Variants in SORT1 observed in about 807,000 individuals in gnomAD.
SORT1 encodes sortilin 1.
In SORT1, 39 loss-of-function variants were observed where a neutral mutation model predicts 101.7. The observed-to-expected ratio is 0.38, with a 90% CI of 0.30 to 0.50. SORT1 has a LOEUF of 0.50. Among genes scored for constraint, SORT1 ranks in the 20% least tolerant of loss-of-function variants. The probability of loss-of-function intolerance (pLI) is 0.90; values close to 1 mark genes in which losing one functional copy is unlikely to be tolerated. For missense variants in SORT1, 878 were observed against 1,040.4 expected, an observed-to-expected ratio of 0.84 and a Z score of 2.15; for synonymous variants, 396 against 393.7, an observed-to-expected ratio of 1.01 and a Z score of -0.07.
chr1:109,337,286 GCCCAGGCTGGAGTGCAATGGCACAAT>G (rs1299679078), intron 10 of SORT1, among the ~76,000 whole-genome samples: 2 of 151,608 alleles, frequency 1.3e-5, no homozygotes, highest in African/African-American at 4.9e-5. Flanking sequence ...CGCTCTTGTT[GCCCAGGCTGGAGTGCAATGGCACAAT>G]CTCAGCTCAC....
intron 6 of SORT1, 80 bp downstream of exon 6, chr1:109,350,849 A>C (rs558022603): frequency 4.3e-6 from 4 of 941,142 alleles, no homozygotes; most frequent in African/African-American, 3.2e-5. Flanking sequence ...GTAAGTGCTC[A>C]ATATTTATTC....
At chr1:109,322,768 G>A (rs1404271457) in intron 15 of SORT1, among the ~76,000 whole-genome samples, 164 bp downstream of exon 15, 2 of 152,052 alleles carry the variant, frequency 1.3e-5, no homozygotes, top group African/African-American at 2.4e-5. Flanking sequence ...TCGAACTCCC[G>A]GCCTCAAGTG....
Position 109,318,239 on chromosome 1 carries a change from C to T in SORT1, c.2025-270G>A, listed in dbSNP as rs953972944. On this transcript the variant is annotated intron_variant, in intron 15 of 19. Transcript: ENST00000256637. ...CGTGTTCTTGGCTCACTGCAACCTCCGCCTCCGGCTTCAAGCGACTCTCCT... is the reference window on the plus strand; with the variant it reads ...CGTGTTCTTGGCTCACTGCAACCTCTGCCTCCGGCTTCAAGCGACTCTCCT... 2.0e-5 allele frequency among the ~76,000 whole-genome samples: 3 copies of T among 151,748 alleles called. No homozygotes were observed. In the East Asian group the frequency reaches 5.8e-4, roughly 29 times the overall value.
chr1:109,397,521 G>C lies in SORT1; in HGVS notation c.306+66C>G. The stretch of plus-strand genomic sequence containing the variant: ...CTCCTCCGGGAGTCGCGGGGCGCAC[G>C]GGCCGGGAGGGGCACGCGGGCGGCA... On this transcript the variant is annotated intron_variant, in intron 1 of 19. Coordinates refer to ENST00000256637, the MANE Select transcript of SORT1 (RefSeq NM_002959.7). The C allele has an allele frequency of 3.9e-6, 4 of 1,016,616 alleles. No individual in the cohort carries two copies. In the South Asian group the frequency reaches 1.6e-4, roughly 41 times the overall value. 63.0% of individuals were successfully genotyped at this position (1,016,616 alleles called of 1,614,324 possible). A position where few individuals can be genotyped will look rare whatever the true frequency, so the allele number is the denominator to read the frequency against.
rs555560999 is a variant in SORT1 at position 109,343,075 on chromosome 1, A to C, written c.964-917T>G. On this transcript the variant is annotated intron_variant, in intron 8 of 19. Transcript: ENST00000256637. Reference sequence around the variant, plus strand: ...CATTATACCATATATGCAGTATAGCATAGGAAGCTACCTCTGGAATTTGAG... The same window carrying C: ...CATTATACCATATATGCAGTATAGCCTAGGAAGCTACCTCTGGAATTTGAG... Among the ~76,000 whole-genome samples the C allele has an allele frequency of 3.3e-5, 5 of 152,322 alleles. No individual in the cohort carries two copies. In the South Asian group the frequency reaches 8.3e-4, roughly 25 times the overall value.
rs554626922 is a variant in SORT1 at position 109,396,976 on chromosome 1, TTTC to T, written c.306+608_306+610del. 2.5e-3 allele frequency among the ~76,000 whole-genome samples: 388 copies of T among 152,326 alleles called. 1 individual carries two copies. The highest frequency in any genetic ancestry group is 9.0e-3 in the African/African-American group (375 of 41,566). ...CTCAAAGCAGAATATGTGCAATGCG[TTTC>T]TTAACTATTGAAAATCTTGTCACCA... On this transcript the variant is annotated intron_variant, in intron 1 of 19. Coordinates refer to ENST00000256637, the MANE Select transcript of SORT1 (RefSeq NM_002959.7).
intron 8 of SORT1, 113 bp from the exon 9 acceptor site, chr1:109,342,271 G>A (rs777114671): frequency 1.3e-5 from 10 of 793,702 alleles, no homozygotes; most frequent in South Asian, 1.8e-5. Context: ...TACTGGGTAC[G>A]ATTGCTATGA....
intron 9 of SORT1, 52 bp from the exon 10 acceptor site, chr1:109,340,931 A>G (rs1261389896): frequency 1.5e-5 from 21 of 1,446,152 alleles, no homozygotes; most frequent in Non-Finnish European, 2.0e-5. Context: ...AACCAAAGAG[A>G]AAAACAATAG....
intron 3 of SORT1, among the ~76,000 whole-genome samples, 187 bp from the exon 4 acceptor site, chr1:109,355,656 C>CCCCCCG (rs1321675043): frequency 7.7e-6 from 1 of 129,308 alleles, no homozygotes; most frequent in African/African-American, 3.1e-5. Context: ...CCCCCCCCCC[C>CCCCCCG]ACAAACCCAC....
intron 11 of SORT1, among the ~76,000 whole-genome samples, chr1:109,332,523 T>C (rs1398103401): frequency 2.6e-5 from 4 of 152,232 alleles, no homozygotes; most frequent in Non-Finnish European, 5.9e-5. Flanking sequence ...TGACCTATGA[T>C]TATTCCACTG....
At chr1:109,395,388 C>T (rs1653135180) in intron 1 of SORT1, among the ~76,000 whole-genome samples, 1 of 151,432 alleles carries the variant, frequency 6.6e-6, no homozygotes, top group Non-Finnish European at 1.5e-5. Context: ...GTCTGGCTAA[C>T]TTTTGTATTT....
At chr1:109,366,521 T>G (rs948319056) in intron 3 of SORT1, among the ~76,000 whole-genome samples, 6 of 152,200 alleles carry the variant, frequency 3.9e-5, no homozygotes, top group African/African-American at 1.4e-4. Context: ...CTATACACTC[T>G]TTCTTCATCT....
chr1:109,350,045 C>CT (rs971878373), intron 6 of SORT1, among the ~76,000 whole-genome samples: 2 of 152,156 alleles, frequency 1.3e-5, no homozygotes, highest in African/African-American at 4.8e-5. Context: ...TTTGTCTGCT[C>CT]TTTTAGAGTA....
chr1:109,343,849 C>T (rs1247793489), intron 8 of SORT1, among the ~76,000 whole-genome samples: 1 of 152,120 alleles, frequency 6.6e-6, no homozygotes. Flanking sequence ...CAGGGTTTCG[C>T]CATGTTGGCC....
intron 3 of SORT1, among the ~76,000 whole-genome samples, chr1:109,362,836 T>C (rs1053817611): frequency 1.3e-5 from 2 of 151,788 alleles, no homozygotes; most frequent in Non-Finnish European, 2.9e-5. Context: ...ATGTTGTAAA[T>C]GGAATTTATC....
chr1:109,377,350 CTAACAT>C (rs1336576268), intron 1 of SORT1, among the ~76,000 whole-genome samples: 1 of 152,174 alleles, frequency 6.6e-6, no homozygotes, highest in East Asian at 1.9e-4. Flanking sequence ...ACTCCTGCTA[CTAACAT>C]TATTTCTTTT....
At position 109,397,578 on chromosome 1, in the gene SORT1, C is replaced by A; in HGVS notation, c.306+9G>T. On this transcript the variant is annotated intron_variant, in intron 1 of 19. Transcript: ENST00000256637. ...ACCCGAGCGGCTCCCGGGCCCGGCG[C>A]CCGCTCACCTGGTGCGTGTTGTTGG... is the stretch of plus-strand genomic sequence containing the variant. The A allele has an allele frequency of 1.7e-6, 2 of 1,204,542 alleles. No homozygotes were observed. The highest frequency in any genetic ancestry group is 2.1e-6 in the Non-Finnish European group (2 of 962,174). The allele number at this position is 1,204,542 out of a possible 1,614,324, so 74.6% of individuals were successfully genotyped here.
chr1:109,355,702 C>T (rs955243315), intron 3 of SORT1, among the ~76,000 whole-genome samples: 1 of 127,306 alleles, frequency 7.9e-6, no homozygotes, highest in Non-Finnish European at 1.6e-5. Context: ...CGGGGAGTGA[C>T]TCAGGATGAG....
At chr1:109,335,842 C>T (rs1317575032) in intron 11 of SORT1, among the ~76,000 whole-genome samples, 1 of 152,180 alleles carries the variant, frequency 6.6e-6, no homozygotes, top group Admixed American at 6.5e-5. Context: ...AGGCCAGATC[C>T]TCTTCCTCTT....
Sources: gnomAD v4.1 joint callset for allele counts (sites outside exome capture counted in the v4.1 genomes callset) on GRCh38, gnomAD v4.1.1 for gene constraint, MANE v1.5 for transcripts, NCBI Gene and HGNC (gene_info 2026-07-23, HGNC 2026-07-21) for gene names.